The following SLCO4C1 variants were observed in gnomAD, a reference collection of about 807,000 sequenced individuals.
SLCO4C1 encodes the protein organic anion transporter M1.
SLCO4C1 carries 58 observed loss-of-function variants against 72.1 expected under a neutral mutation model. The ratio of observed to expected loss-of-function variants is 0.80; its 90% CI spans 0.65 to 1.00. The LOEUF (loss-of-function observed/expected upper bound fraction) is 1.00, where lower values mean the gene tolerates loss of function less well. Ranked by LOEUF, SLCO4C1 falls within the 50% of genes least tolerant of loss-of-function variation. The probability of loss-of-function intolerance (pLI) is 0.00; values close to 1 mark genes in which losing one functional copy is unlikely to be tolerated. For missense variants in SLCO4C1, 898 were observed against 857.9 expected (o/e 1.05, Z -0.58); for synonymous variants, 297 against 312.5 (o/e 0.95, Z 0.52).
chr5:102,263,891 T>A, intron 3 of SLCO4C1, 111 bp from the exon 4 acceptor site: 1 of 740,664 alleles, frequency 1.4e-6, no homozygotes, highest in East Asian at 2.8e-5. Flanking sequence ...ATTAAACATA[T>A]CAAAATCACA....
rs1190486703 is a variant in SLCO4C1 at position 102,263,694 on chromosome 5, T to C, written c.889A>G (p.Met297Val). The C allele has an allele frequency of 8.1e-6, 13 of 1,611,648 alleles. No homozygotes were observed. In the Admixed American group the frequency reaches 1.3e-4, roughly 17 times the overall value. Reference protein sequence around the residue: ...QLLTIYIDVAMGESTDVTEDD... With the variant: ...QLLTIYIDVAVGESTDVTEDD... Reference sequence around the variant, plus strand: ...TAGATACTGCCTTGCCTTTCTCCCATAGCAACATCAATGTATATGGTTAGC... The same window carrying C: ...TAGATACTGCCTTGCCTTTCTCCCACAGCAACATCAATGTATATGGTTAGC... Residue 297 changes from methionine to valine, a missense_variant, in exon 4 of 13, where the codon ATG (methionine) becomes GTG (valine). Physicochemically the swap from Met to Val is conservative, Grantham distance 21. Transcript: ENST00000310954.
intron 8 of SLCO4C1, among the ~76,000 whole-genome samples, chr5:102,252,955 A>G (rs544231204): frequency 1.8e-4 from 27 of 152,268 alleles, no homozygotes; most frequent in Middle Eastern, 6.8e-3. Flanking sequence ...CCACAAGTAG[A>G]ATTCAAACAT....
chr5:102,235,413 G>C lies in SLCO4C1; in HGVS notation c.*1445C>G, dbSNP rs1297767854. The C allele has an allele frequency of 6.6e-6, 1 of 152,144 alleles. No homozygotes were observed. Among genetic ancestry groups the C allele is most frequent in the African/African-American group, 2.4e-5 (1 of 41,442 alleles). The allele number at this position is 152,144 out of a possible 1,614,324, so 9.4% of individuals were successfully genotyped here. The stretch of plus-strand genomic sequence containing the variant: ...TTTCCTAAGTAAAATTCTTAACCAT[G>C]GTAGAAGTTATGTTTGTTGATGTTC... On this transcript the variant is annotated 3_prime_UTR_variant, in exon 13 of 13. Coordinates refer to ENST00000310954, the MANE Select transcript of SLCO4C1 (RefSeq NM_180991.5).
chr5:102,294,411 A>G (rs1187005495), intron 1 of SLCO4C1, among the ~76,000 whole-genome samples: 2 of 152,210 alleles, frequency 1.3e-5, no homozygotes, highest in African/African-American at 2.4e-5. Flanking sequence ...ATGCTGCTCC[A>G]GACTAAACCT....
intron 2 of SLCO4C1, among the ~76,000 whole-genome samples, chr5:102,275,313 T>C (rs927361187): frequency 6.6e-6 from 1 of 151,716 alleles, no homozygotes; most frequent in Admixed American, 6.6e-5. Context: ...TGAGCAAAAT[T>C]CATGATAAAA....
chr5:102,257,401 T>C (rs992475430), intron 7 of SLCO4C1, 91 bp from the exon 8 acceptor site: 5 of 1,031,446 alleles, frequency 4.8e-6, no homozygotes, highest in African/African-American at 3.3e-5. Flanking sequence ...CAAGTGTCAA[T>C]ATGGTTTTAA....
chr5:102,269,510 C>A (rs955680732), intron 3 of SLCO4C1, among the ~76,000 whole-genome samples: 5 of 152,022 alleles, frequency 3.3e-5, no homozygotes, highest in Non-Finnish European at 7.4e-5. Flanking sequence ...TCATTTAATT[C>A]ATCAGTTGCA....
rs1046653438 is a variant in SLCO4C1, at chr5:102,235,801, A to T, written c.*1057T>A. 2 of 152,258 alleles carry T rather than the reference A, an allele frequency of 1.3e-5. No individual in the cohort carries two copies. Among genetic ancestry groups the T allele is most frequent in the African/African-American group, 4.8e-5 (2 of 41,468 alleles). The allele number at this position is 152,258 out of a possible 1,614,324, so 9.4% of individuals were successfully genotyped here. ...GTCTGAGGTGGAGCAGTTTCATCTC[A>T]AAACCATACCTTCTTCCCCCATGGA... On this transcript the variant is annotated 3_prime_UTR_variant, in exon 13 of 13. Coordinates refer to ENST00000310954, the MANE Select transcript of SLCO4C1 (RefSeq NM_180991.5).
At chr5:102,284,834 T>C (rs1309940313) in intron 2 of SLCO4C1, among the ~76,000 whole-genome samples, 2 of 152,178 alleles carry the variant, frequency 1.3e-5, no homozygotes, top group Non-Finnish European at 2.9e-5. Flanking sequence ...TAAAATTTCA[T>C]TGACACATTT....
At chr5:102,246,119 G>T (rs1434739068) in intron 10 of SLCO4C1, among the ~76,000 whole-genome samples, 2 of 151,558 alleles carry the variant, frequency 1.3e-5, no homozygotes, top group African/African-American at 4.8e-5. Context: ...ACATCTTAAA[G>T]AATTAGAAAA....
chr5:102,253,776 G>T (rs975222987), intron 8 of SLCO4C1, among the ~76,000 whole-genome samples: 1 of 150,076 alleles, frequency 6.7e-6, no homozygotes, highest in African/African-American at 2.5e-5. Flanking sequence ...CTACACTCCA[G>T]CCTGGGCGAC....
chr5:102,287,575 C>G (rs1749478453), intron 2 of SLCO4C1, among the ~76,000 whole-genome samples: 1 of 118,644 alleles, frequency 8.4e-6, no homozygotes, highest in African/African-American at 3.3e-5. Context: ...AGTCTCTGCT[C>G]TGTCACCCAG....
chr5:102,256,076 T>C (rs1240613670), intron 8 of SLCO4C1, among the ~76,000 whole-genome samples: 3 of 152,042 alleles, frequency 2.0e-5, no homozygotes, highest in Non-Finnish European at 4.4e-5. Context: ...CATGGTGGCA[T>C]GCGCCTGTAG....
At chr5:102,257,852 A>T (rs1370660071) in intron 7 of SLCO4C1, 91 bp downstream of exon 7, 1 of 1,203,140 alleles carries the variant, frequency 8.3e-7, no homozygotes, top group Non-Finnish European at 1.2e-6. Flanking sequence ...TTTAAATTTC[A>T]AGGAGGGCTA....
chr5:102,264,214 G>A (rs56782654), intron 3 of SLCO4C1, among the ~76,000 whole-genome samples: 7,921 of 152,092 alleles, frequency 0.052, 644 homozygotes, highest in African/African-American at 0.17. Context: ...CTTCAAATCT[G>A]GATGTGCTGA....
Position 102,236,715 on chromosome 5 carries a change from TA to T in SLCO4C1, c.*142del. 2.1e-6 allele frequency: 2 copies of T among 972,074 alleles called. No homozygotes were observed. The highest frequency in any genetic ancestry group is 3.0e-6 in the Non-Finnish European group (2 of 670,928). 60.2% of individuals were successfully genotyped at this position (972,074 alleles called of 1,614,324 possible). A position where few individuals can be genotyped will look rare whatever the true frequency, so the allele number is the denominator to read the frequency against. ...TTGCATAAAACAAAAACTACATAAGTAAAAAAATACATTTGATTATAAAAAC... is the reference window on the plus strand; with the variant it reads ...TTGCATAAAACAAAAACTACATAAGTAAAAAATACATTTGATTATAAAAAC... On this transcript the variant is annotated 3_prime_UTR_variant, in exon 13 of 13. Transcript: ENST00000310954.
intron 3 of SLCO4C1, among the ~76,000 whole-genome samples, chr5:102,266,240 T>C (rs775620498): frequency 4.6e-5 from 7 of 152,158 alleles, no homozygotes; most frequent in Non-Finnish European, 8.8e-5. Context: ...GACTATGTCA[T>C]CTGTGGAGAG....
intron 2 of SLCO4C1, among the ~76,000 whole-genome samples, chr5:102,272,710 C>A (rs951059076): frequency 1.3e-5 from 2 of 152,072 alleles, no homozygotes; most frequent in Admixed American, 6.6e-5. Context: ...AATTCCAGTA[C>A]TTTGGAAGGA....
In SLCO4C1 at chr5:102,234,957, TG is replaced by T. The variant is rs1247723055; in HGVS notation, c.*1900del. ...ATAAATTTCCTGCTTCTCAAATATC[TG>T]GATTTTTGGCTACCTATTTGGCTTC... is the stretch of plus-strand genomic sequence containing the variant. On this transcript the variant is annotated 3_prime_UTR_variant, in exon 13 of 13. Transcript: ENST00000310954. 6.6e-6 allele frequency: 1 copy of T among 152,238 alleles called. No individual in the cohort carries two copies. Among genetic ancestry groups the T allele is most frequent in the East Asian group, 1.9e-4 (1 of 5,190 alleles). 9.4% of individuals were successfully genotyped at this position (152,238 alleles called of 1,614,324 possible). A position where few individuals can be genotyped will look rare whatever the true frequency, so the allele number is the denominator to read the frequency against.
Sources: allele counts gnomAD v4.1 joint callset (sites outside exome capture counted in the v4.1 genomes callset), GRCh38; gene constraint gnomAD v4.1.1; transcripts MANE v1.5; gene names NCBI Gene and HGNC (gene_info 2026-07-23, HGNC 2026-07-21).